The following HLCS variants were observed in gnomAD, a reference collection of about 807,000 sequenced individuals.
HLCS encodes the protein biotin--protein ligase.
A neutral mutation model predicts 75.0 loss-of-function variants in HLCS; 53 were observed. That is an observed-to-expected ratio of 0.71 (90% CI 0.57 to 0.89). HLCS has a LOEUF of 0.89. Ranked by LOEUF, HLCS falls within the 40% of genes least tolerant of loss-of-function variation. The pLI is 0.00. For synonymous variants in HLCS, 431 were observed against 428.6 expected, an observed-to-expected ratio of 1.01 and a Z score of -0.07; for missense variants, 966 against 1,074.0, an observed-to-expected ratio of 0.90 and a Z score of 1.41.
intron 5 of HLCS, among the ~76,000 whole-genome samples, chr21:36,901,660 T>C (rs1343725861): frequency 6.6e-6 from 1 of 152,190 alleles, no homozygotes; most frequent in East Asian, 1.9e-4. Flanking sequence ...CCCATCTCTG[T>C]GGCCATCATC....
At chr21:36,894,838 A>C (rs2064944752) in intron 6 of HLCS, among the ~76,000 whole-genome samples, 1 of 136,866 alleles carries the variant, frequency 7.3e-6, no homozygotes, top group African/African-American at 3.1e-5. Context: ...AAGTTTCCTA[A>C]GGCAGAGGTT....
chr21:36,852,370 AC>A, intron 6 of HLCS, among the ~76,000 whole-genome samples: 1 of 152,336 alleles, frequency 6.6e-6, no homozygotes, highest in Admixed American at 6.5e-5. Flanking sequence ...GGGTTATCTA[AC>A]ACGGGAAGAC....
At chr21:36,890,127 C>A (rs1367870298) in intron 6 of HLCS, among the ~76,000 whole-genome samples, 1 of 152,202 alleles carries the variant, frequency 6.6e-6, no homozygotes, top group African/African-American at 2.4e-5. Context: ...CTTCCCTTCA[C>A]CTTCCGCCAC....
At chr21:36,869,946 G>C (rs1437721872) in intron 6 of HLCS, among the ~76,000 whole-genome samples, 1 of 152,100 alleles carries the variant, frequency 6.6e-6, no homozygotes, top group Non-Finnish European at 1.5e-5. Flanking sequence ...TTAGGAGTGG[G>C]AACAGGAATA....
chr21:36,941,996 A>C (rs1349979479), intron 2 of HLCS, among the ~76,000 whole-genome samples: 1 of 150,752 alleles, frequency 6.6e-6, no homozygotes, highest in African/African-American at 2.4e-5. Flanking sequence ...AATGAGAGCG[A>C]AACTGTCTCA....
At chr21:36,780,854 T>A (rs2060506388) in intron 6 of HLCS, among the ~76,000 whole-genome samples, 1 of 152,080 alleles carries the variant, frequency 6.6e-6, no homozygotes, top group African/African-American at 2.4e-5. Context: ...ACACAGTCAA[T>A]GACCAGTTAA....
chr21:36,823,316 A>G (rs954903690), intron 6 of HLCS, among the ~76,000 whole-genome samples: 1 of 152,196 alleles, frequency 6.6e-6, no homozygotes, highest in African/African-American at 2.4e-5. Flanking sequence ...AATTACTCGC[A>G]GTTTGCCGAC....
At chr21:36,937,677 A>C (rs534714912) in intron 3 of HLCS, among the ~76,000 whole-genome samples, 13 of 152,348 alleles carry the variant, frequency 8.5e-5, no homozygotes, top group South Asian at 8.3e-4. Flanking sequence ...AGAAAGTGAG[A>C]TTCAGAGAGG....
chr21:36,867,667 CT>C (rs746002667), intron 6 of HLCS, among the ~76,000 whole-genome samples: 9 of 152,220 alleles, frequency 5.9e-5, no homozygotes, highest in Non-Finnish European at 1.2e-4. Context: ...GGCAGAGCCC[CT>C]GTCAGCCTGG....
chr21:36,985,319 C>A (rs1009427669), intron 1 of HLCS, among the ~76,000 whole-genome samples: 1 of 152,256 alleles, frequency 6.6e-6, no homozygotes, highest in Non-Finnish European at 1.5e-5. Context: ...CTTAGTCTTT[C>A]ATGACCTTGA....
At chr21:36,916,023 A>T (rs2065912764) in intron 5 of HLCS, among the ~76,000 whole-genome samples, 1 of 152,196 alleles carries the variant, frequency 6.6e-6, no homozygotes, top group Admixed American at 6.5e-5. Context: ...ATACTGGGAA[A>T]GGGATACAAA....
In HLCS at chr21:36,933,964, C is replaced by T. The variant is rs192695853; in HGVS notation, c.1437+2485G>A. On this transcript the variant is annotated intron_variant, in intron 4 of 10. Coordinates refer to ENST00000674895, the MANE Select transcript of HLCS (RefSeq NM_001352514.2). ...AGGGGGAAGATGGCCGCTGAAACCCCGAGAACTGCTTGGCTTCACTGTCTT... is the reference window on the plus strand; with the variant it reads ...AGGGGGAAGATGGCCGCTGAAACCCTGAGAACTGCTTGGCTTCACTGTCTT... Among the ~76,000 whole-genome samples the T allele has an allele frequency of 7.4e-3, 1,121 of 152,244 alleles. 12 individuals are homozygous for T. The highest frequency in any genetic ancestry group is 0.024 in the African/African-American group (994 of 41,526).
chr21:36,908,276 C>T (rs1204883206), intron 5 of HLCS, among the ~76,000 whole-genome samples: 1 of 151,774 alleles, frequency 6.6e-6, no homozygotes, highest in Non-Finnish European at 1.5e-5. Flanking sequence ...TATATCCCAG[C>T]TATTCAGGAG....
chr21:36,926,901 C>G (rs888238176), intron 5 of HLCS, among the ~76,000 whole-genome samples: 3 of 152,036 alleles, frequency 2.0e-5, no homozygotes, highest in Admixed American at 6.5e-5. Flanking sequence ...CGCCACCATG[C>G]CTGGCTAATT....
At chr21:36,981,497 T>C (rs1369130556) in intron 1 of HLCS, among the ~76,000 whole-genome samples, 2 of 148,360 alleles carry the variant, frequency 1.3e-5, no homozygotes, top group Non-Finnish European at 3.0e-5. Flanking sequence ...GCCTCCCAGG[T>C]TCAAGTGATT....
intron 7 of HLCS, 148 bp downstream of exon 7, chr21:36,767,070 T>G: frequency 2.6e-6 from 2 of 760,522 alleles, no homozygotes; most frequent in Admixed American, 2.0e-5. Context: ...CTCTTCCTCT[T>G]CCTCCATTCC....
intron 2 of HLCS, among the ~76,000 whole-genome samples, chr21:36,951,408 C>T (rs1295613005): frequency 6.6e-6 from 1 of 152,182 alleles, no homozygotes; most frequent in African/African-American, 2.4e-5. Flanking sequence ...CCTCCTTTCA[C>T]CTATTTTTAC....
chr21:36,791,269 C>T (rs1367626662), intron 6 of HLCS, among the ~76,000 whole-genome samples: 2 of 152,112 alleles, frequency 1.3e-5, no homozygotes, highest in Non-Finnish European at 2.9e-5. Context: ...GACCCCCACC[C>T]CTGCCGGAGC....
chr21:36,866,956 C>T (rs963512442), intron 6 of HLCS, among the ~76,000 whole-genome samples: 2 of 151,568 alleles, frequency 1.3e-5, no homozygotes, highest in Non-Finnish European at 2.9e-5. Context: ...GGAAAGGGGG[C>T]AGTTACCCTC....
Sources: gnomAD v4.1 joint callset for allele counts (sites outside exome capture counted in the v4.1 genomes callset) on GRCh38, gnomAD v4.1.1 for gene constraint, MANE v1.5 for transcripts, NCBI Gene and HGNC (gene_info 2026-07-23, HGNC 2026-07-21) for gene names.